Variants in SP140L observed in about 807,000 individuals in gnomAD.
The protein encoded by SP140L is SP140 like nuclear body protein, also known as nuclear body protein SP140-like protein.
A neutral mutation model predicts 84.3 loss-of-function variants in SP140L; 64 were observed. That is an observed-to-expected ratio of 0.76 (90% confidence interval 0.62 to 0.94). SP140L has a LOEUF of 0.94. SP140L is among the 40% of genes least tolerant of loss of function. The pLI is 0.00. For synonymous variants in SP140L, 242 were observed against 236.9 expected, an observed-to-expected ratio of 1.02 and a Z score of -0.20; for missense variants, 628 against 692.5, an observed-to-expected ratio of 0.91 and a Z score of 1.05.
intron 4 of SP140L, among the ~76,000 whole-genome samples, chr2:230,360,671 G>A (rs780985165): frequency 4.6e-5 from 7 of 152,084 alleles, no homozygotes; most frequent in Non-Finnish European, 1.0e-4. Flanking sequence ...TAGCCCCAGT[G>A]CCCACAACTC....
At chr2:230,352,843 T>C (rs1348899019) in intron 2 of SP140L, among the ~76,000 whole-genome samples, 1 of 149,612 alleles carries the variant, frequency 6.7e-6, no homozygotes, top group African/African-American at 2.5e-5. Context: ...TATACACACA[T>C]GCACACACAC....
chr2:230,396,583 A>G (rs142869307), intron 13 of SP140L, among the ~76,000 whole-genome samples, 174 bp from the exon 14 acceptor site: 58 of 152,334 alleles, frequency 3.8e-4, no homozygotes, highest in African/African-American at 1.3e-3. Context: ...GTTTGCTTAC[A>G]TAGGAAATTA....
chr2:230,386,273 T>C (rs537646659), intron 9 of SP140L, among the ~76,000 whole-genome samples: 21 of 152,242 alleles, frequency 1.4e-4, no homozygotes, highest in Non-Finnish European at 2.2e-4. Context: ...CTTGGGACTT[T>C]CTCAATTTTG....
Position 230,401,370 on chromosome 2 carries a change from G to A in SP140L, c.1427G>A (p.Cys476Tyr). 1.3e-6 allele frequency: 2 copies of A among 1,576,742 alleles called. No individual in the cohort carries two copies. The highest frequency in any genetic ancestry group is 1.7e-6 in the Non-Finnish European group (2 of 1,164,176). The change falls in exon 17 of 19, where the codon TGT becomes TAT. Residue 476 changes from cysteine (C) to tyrosine (Y), a missense_variant. Cys to Tyr is a radical substitution (Grantham distance 194). Coordinates refer to ENST00000415673, the MANE Select transcript of SP140L (RefSeq NM_138402.6). ...TACGGCCTCTTTCTTTTGCAGAAAT[G>A]TGAGTTCCTCCTCTTGAAAGTCTAT... Reference protein sequence around the residue: ...RQMCPEEQLKCEFLLLKVYCC... With the variant: ...RQMCPEEQLKYEFLLLKVYCC...
chr2:230,385,405 A>G lies in SP140L; in HGVS notation c.784+101A>G, dbSNP rs1300961493. ...GCTTTATTGTTTACTAGTCAAACTT[A>G]GTCAATTTCAGAGCAGTGAAATCTA... On this transcript the variant is annotated intron_variant, in intron 9 of 18. Transcript: ENST00000415673. 2.8e-6 allele frequency: 3 copies of G among 1,069,222 alleles called. No homozygotes were observed. The African/African-American group carries it at 4.8e-5, about 17-fold the overall frequency. The allele number at this position is 1,069,222 out of a possible 1,614,324, so 66.2% of individuals were successfully genotyped here.
At chr2:230,391,937 G>A in intron 11 of SP140L, 150 bp from the exon 12 acceptor site, 1 of 1,042,802 alleles carries the variant, frequency 9.6e-7, no homozygotes, top group East Asian at 2.4e-5. Context: ...GCTGGATTTG[G>A]GGCCTCTGAA....
intron 13 of SP140L, among the ~76,000 whole-genome samples, chr2:230,396,438 G>T (rs141962363): frequency 1.2e-3 from 185 of 152,328 alleles, no homozygotes; most frequent in Non-Finnish European, 2.0e-3. Context: ...CAGCCCAGAT[G>T]GTGAGGCCAA....
intron 15 of SP140L, chr2:230,400,733 A>T: frequency 1.9e-6 from 2 of 1,047,218 alleles, no homozygotes; most frequent in Non-Finnish European, 1.4e-6. Context: ...ACTCACGGTG[A>T]CACCACCTTC....
chr2:230,400,156 C>T lies in SP140L; in HGVS notation c.1227C>T (p.Cys409=). 6.2e-7 allele frequency: 1 copy of T among 1,614,096 alleles called. No homozygotes were observed. Among genetic ancestry groups the T allele is most frequent in the Non-Finnish European group, 8.5e-7 (1 of 1,180,004 alleles). ...GAAACTTGGATGAGTGTGAGGTGTG[C>T]CGGGACGGAGGGGAGCTGTTCTGTT... ...CMRNLDECEV[C]RDGGELFCCD... Residue 409 remains cysteine (C), a synonymous_variant, in exon 15 of 19, where the codon TGC becomes TGT. Transcript: ENST00000415673.
At chr2:230,346,349 T>C (rs1038260171) in intron 2 of SP140L, among the ~76,000 whole-genome samples, 1 of 152,182 alleles carries the variant, frequency 6.6e-6, no homozygotes, top group Non-Finnish European at 1.5e-5. Flanking sequence ...ATTATAATAC[T>C]TATTGGTGTA....
rs777196247 is a variant in SP140L, at chr2:230,402,771, G to A, written c.1645-27G>A. On this transcript the variant is annotated intron_variant, in intron 18 of 18. Coordinates refer to ENST00000415673, the MANE Select transcript of SP140L (RefSeq NM_138402.6). ...AATGACACTAATGATAAGGAACATC[G>A]TTTTTGTCTTTATTACTTTTTTCCA... 10 of 1,559,286 alleles carry A rather than the reference G, an allele frequency of 6.4e-6. No individual in the cohort carries two copies. In the East Asian group the frequency reaches 6.7e-5, roughly 11 times the overall value.
intron 18 of SP140L, among the ~76,000 whole-genome samples, chr2:230,402,477 G>T (rs115036055): frequency 6.6e-6 from 1 of 152,128 alleles, no homozygotes; most frequent in Non-Finnish European, 1.5e-5. Flanking sequence ...TGTTACTTAG[G>T]GTGTTTAAGA....
At chr2:230,352,048 G>A (rs2060380894) in intron 2 of SP140L, among the ~76,000 whole-genome samples, 1 of 151,534 alleles carries the variant, frequency 6.6e-6, no homozygotes, top group Non-Finnish European at 1.5e-5. Flanking sequence ...TTTCTAATTG[G>A]GAGCATTTTA....
At chr2:230,371,406 A>G (rs185031571) in intron 6 of SP140L, among the ~76,000 whole-genome samples, 192 bp from the exon 7 acceptor site, 1 of 152,296 alleles carries the variant, frequency 6.6e-6, no homozygotes, top group Non-Finnish European at 1.5e-5. Context: ...CGTATTTTTG[A>G]TAGAAGACCC....
rs1283203444 is a variant in SP140L at position 230,327,236 on chromosome 2, G to A, written c.-34G>A. The stretch of plus-strand genomic sequence containing the variant: ...GCCGACTGGGGAGCTCATAGGCCAG[G>A]CTCTGACACCCAGGCAGGGCCTAGG... On this transcript the variant is annotated 5_prime_UTR_variant, in exon 1 of 19. Transcript: ENST00000415673. 8 of 1,601,150 alleles carry A rather than the reference G, an allele frequency of 5.0e-6. No homozygotes were observed. Among genetic ancestry groups the A allele is most frequent in the Non-Finnish European group, 6.8e-6 (8 of 1,173,820 alleles).
At chr2:230,343,130 GCAGGT>G (rs1309037850) in intron 2 of SP140L, among the ~76,000 whole-genome samples, 2 of 117,842 alleles carry the variant, frequency 1.7e-5, no homozygotes, top group Admixed American at 8.5e-5. Context: ...TGCAGGATGT[GCAGGT>G]TTGTTACATA....
intron 9 of SP140L, among the ~76,000 whole-genome samples, chr2:230,385,994 C>T (rs2061565185): frequency 1.3e-5 from 2 of 152,170 alleles, no homozygotes; most frequent in African/African-American, 4.8e-5. Context: ...CGTGAAATGA[C>T]ATTGCAAGTG....
chr2:230,354,117 C>T (rs1043383580), intron 2 of SP140L, among the ~76,000 whole-genome samples: 4 of 152,112 alleles, frequency 2.6e-5, no homozygotes, highest in Admixed American at 2.0e-4. Flanking sequence ...CATAATATTT[C>T]TGTTTCTCCT....
In SP140L at chr2:230,389,976, C is replaced by A. The variant is rs1162379393; in HGVS notation, c.917C>A (p.Thr306Asn). The change falls in exon 11 of 19, where the codon ACC becomes AAC. Residue 306 changes from threonine to asparagine, a missense_variant. Around this residue, in one of 4 missense-constraint regions of SP140L, gnomAD observed 525 missense variants for 518.4 expected, o/e 1.01. Coordinates refer to ENST00000415673, the MANE Select transcript of SP140L (RefSeq NM_138402.6). The part of the protein sequence containing the change: ...VDFQAPLLPV[T>N]CGGVKGILHK... ...TTTCAGGCTCCTTTACTTCCAGTGA[C>A]CTGTGGTGGGGTGAAGGGAATTTTA... The A allele has an allele frequency of 1.2e-6, 2 of 1,613,644 alleles. No individual in the cohort carries two copies. The highest frequency in any genetic ancestry group is 3.3e-5 in the Admixed American group (2 of 59,968).
Sources: allele counts gnomAD v4.1 joint callset (sites outside exome capture counted in the v4.1 genomes callset), GRCh38; gene constraint gnomAD v4.1.1; regional missense constraint gnomAD v4.1.1; transcripts MANE v1.5; gene names NCBI Gene and HGNC (gene_info 2026-07-23, HGNC 2026-07-21).